MTIF2: variants seen among roughly 807,000 people sequenced by gnomAD.
MTIF2 encodes the protein translation initiation factor IF-2, mitochondrial.
A neutral mutation model predicts 83.5 loss-of-function variants in MTIF2; 71 were observed. That is an observed-to-expected ratio of 0.85 (90% CI 0.70 to 1.04). The LOEUF (loss-of-function observed/expected upper bound fraction) is 1.04. Ranked by LOEUF, MTIF2 falls within the 50% of genes least tolerant of loss-of-function variation. MTIF2 has a pLI of 0.00. For missense variants in MTIF2, 957 were observed against 846.5 expected, an observed-to-expected ratio of 1.13 and a Z score of -1.62; for synonymous variants, 319 against 287.1, an observed-to-expected ratio of 1.11 and a Z score of -1.12.
intron 7 of MTIF2, among the ~76,000 whole-genome samples, chr2:55,253,421 G>C (rs926184804): frequency 1.3e-5 from 2 of 152,202 alleles, no homozygotes; most frequent in African/African-American, 4.8e-5. Flanking sequence ...GCTCACACCT[G>C]TAATCCTAGC....
At position 55,236,716 on chromosome 2, in the gene MTIF2, C is replaced by G; in HGVS notation, c.2116G>C (p.Gly706Arg). Residue 706 changes from glycine to arginine, a missense_variant, in exon 16 of 16, where the codon GGA (glycine) becomes CGA (arginine). By Grantham distance (125) the Gly-to-Arg change is moderately radical. Coordinates refer to ENST00000263629, the MANE Select transcript of MTIF2 (RefSeq NM_002453.3). ...LDEDNMEFQV[G>R]DRIVCYEEKQ... is the part of the protein sequence containing the mutation. ...TCTTCATAACAAACAATTCTGTCTC[C>G]CACTTGAAATTCCATATTGTCTTCA... The G allele has an allele frequency of 6.2e-7, 1 of 1,609,220 alleles. No homozygotes were observed. The highest frequency in any genetic ancestry group is 8.5e-7 in the Non-Finnish European group (1 of 1,178,604).
At chr2:55,264,979 A>T (rs575661172) in intron 3 of MTIF2, among the ~76,000 whole-genome samples, 38 of 152,234 alleles carry the variant, frequency 2.5e-4, no homozygotes, top group Non-Finnish European at 4.7e-4. Context: ...GTGGTGGCTC[A>T]TGCCTGTAAT....
At chr2:55,242,171 AT>A (rs1342965056) in intron 13 of MTIF2, among the ~76,000 whole-genome samples, 1 of 151,706 alleles carries the variant, frequency 6.6e-6, no homozygotes, top group Non-Finnish European at 1.5e-5. Flanking sequence ...AAAAAAAGTC[AT>A]TTCAATATCT....
At chr2:55,242,038 C>T (rs769469570) in intron 13 of MTIF2, among the ~76,000 whole-genome samples, 4 of 151,072 alleles carry the variant, frequency 2.6e-5, no homozygotes, top group African/African-American at 9.8e-5. Flanking sequence ...CCCAGCTACT[C>T]GGTGGGGGCT....
chr2:55,239,062 T>C (rs1026550171), intron 14 of MTIF2, among the ~76,000 whole-genome samples: 4 of 152,120 alleles, frequency 2.6e-5, no homozygotes, highest in East Asian at 1.9e-4. Context: ...AAAACAAAAA[T>C]TGAAGAACTG....
At chr2:55,259,029 C>G (rs2104437085) in intron 5 of MTIF2, among the ~76,000 whole-genome samples, 1 of 152,082 alleles carries the variant, frequency 6.6e-6, no homozygotes, top group East Asian at 1.9e-4. Context: ...GTAACAATAC[C>G]TAATACTCTA....
chr2:55,236,676 G>T lies in MTIF2; in HGVS notation c.2156C>A (p.Ala719Asp), dbSNP rs777654790. ...IVCYEEKQIQ[A>D]KTSWDPGF ...AAATCCTGGATCCCAAGAAGTCTTG[G>T]CTTGAATTTGCTTTTCTTCATAACA... Residue 719 changes from alanine to aspartate, a missense_variant, in exon 16 of 16, where the codon GCC becomes GAC. Ala to Asp is a moderately radical substitution (Grantham distance 126). This residue lies in a region of MTIF2 where 221 missense variants were observed against 180.6 expected (regional missense o/e 1.22). Coordinates refer to ENST00000263629, the MANE Select transcript of MTIF2 (RefSeq NM_002453.3). The T allele has an allele frequency of 1.3e-6, 2 of 1,597,498 alleles. No homozygotes were observed. Among genetic ancestry groups the T allele is most frequent in the Non-Finnish European group, 1.7e-6 (2 of 1,175,464 alleles).
intron 9 of MTIF2, 50 bp downstream of exon 9, chr2:55,249,345 A>G (rs770324904): frequency 6.2e-7 from 1 of 1,600,496 alleles, no homozygotes; most frequent in East Asian, 2.2e-5. Context: ...TGTGTGCATT[A>G]TGTACAGCAT....
In MTIF2 at chr2:55,252,460, A is replaced by G. The variant is rs200006395; in HGVS notation, c.841+17T>C. 1,707 of 1,607,238 alleles carry G rather than the reference A, an allele frequency of 1.1e-3. 5 individuals carry two copies. The highest frequency in any genetic ancestry group is 3.3e-3 in the Middle Eastern group (20 of 6,038). The stretch of plus-strand genomic sequence containing the variant: ...TTGACTTTATGTAGTAGATCCATTA[A>G]GTCAGCCACACAGTACCCTGTGCAT... On this transcript the variant is annotated intron_variant, in intron 8 of 15. Coordinates refer to ENST00000263629, the MANE Select transcript of MTIF2 (RefSeq NM_002453.3).
intron 8 of MTIF2, among the ~76,000 whole-genome samples, 179 bp from the exon 9 acceptor site, chr2:55,249,713 T>C (rs1676957756): frequency 1.3e-5 from 2 of 152,098 alleles, no homozygotes; most frequent in South Asian, 4.1e-4. Flanking sequence ...GCTCTACATA[T>C]AGAGAAATCC....
At chr2:55,238,180 G>A (rs1676029725) in intron 14 of MTIF2, among the ~76,000 whole-genome samples, 1 of 45,646 alleles carries the variant, frequency 2.2e-5, no homozygotes, top group Non-Finnish European at 4.1e-5. Context: ...ACAGGTGCGT[G>A]CCACCATGCC....
chr2:55,255,122 G>C (rs1677409266), intron 5 of MTIF2, among the ~76,000 whole-genome samples: 1 of 151,506 alleles, frequency 6.6e-6, no homozygotes, highest in Admixed American at 6.6e-5. Context: ...TATAATAATT[G>C]ATTGTAGTCT....
In MTIF2 at chr2:55,254,679, T is replaced by C. The variant is rs1228107158; in HGVS notation, c.478A>G (p.Arg160Gly). The change falls in exon 6 of 16, where the codon AGA becomes GGA. Residue 160 changes from arginine to glycine, a missense_variant. By Grantham distance (125) the Arg-to-Gly change is moderately radical. This residue lies in a region of MTIF2 where 733 missense variants were observed against 648.7 expected (regional missense o/e 1.13). Transcript: ENST00000263629. ...CTTCTTACAGCATCTTTATTTTTTC[T>C]GACTTTGTCCTGTTTTAATTTACTC... is the stretch of plus-strand genomic sequence containing the variant. ...KWSKLKQDKV[R>G]KNKDAVRRPQ... The C allele has an allele frequency of 6.2e-7, 1 of 1,606,104 alleles. No individual in the cohort carries two copies. Among genetic ancestry groups the C allele is most frequent in the Non-Finnish European group, 8.5e-7 (1 of 1,176,888 alleles).
chr2:55,240,681 T>C (rs1676242181), intron 13 of MTIF2, among the ~76,000 whole-genome samples: 2 of 152,232 alleles, frequency 1.3e-5, no homozygotes, highest in Admixed American at 1.3e-4. Flanking sequence ...TAAACTGTAT[T>C]GTGGCTTGTT....
Position 55,244,266 on chromosome 2 carries a change from CAT to C in MTIF2, c.1107-35_1107-34del, listed in dbSNP as rs770317523. On this transcript the variant is annotated intron_variant, in intron 10 of 15. Transcript: ENST00000263629. The stretch of plus-strand genomic sequence containing the variant: ...GAAAATAAAAGTATATTTTCAATGT[CAT>C]AATGTACTTTAAGTAGAGCAAAGAT... 1.3e-5 allele frequency: 20 copies of C among 1,503,108 alleles called. No homozygotes were observed. The South Asian group carries it at 2.0e-4, about 15-fold the overall frequency. The allele number at this position is 1,503,108 out of a possible 1,614,324, so 93.1% of individuals were successfully genotyped here.
chr2:55,251,110 CAAAAAAAAAAAA>C (rs57949152), intron 8 of MTIF2, among the ~76,000 whole-genome samples: 6 of 71,152 alleles, frequency 8.4e-5, no homozygotes, highest in Non-Finnish European at 1.6e-4. Context: ...AACTCCGTCT[CAAAAAAAAAAAA>C]AAAAAAAAAA....
chr2:55,261,849 G>A (rs1473283128), intron 5 of MTIF2, among the ~76,000 whole-genome samples: 18 of 146,994 alleles, frequency 1.2e-4, no homozygotes, highest in African/African-American at 3.5e-4. Context: ...GAGGCTGAAC[G>A]ATTGTTTTGA....
At chr2:55,246,595 C>A in intron 9 of MTIF2, 134 bp from the exon 10 acceptor site, 2 of 701,134 alleles carry the variant, frequency 2.9e-6, no homozygotes, top group Non-Finnish European at 4.5e-6. Context: ...AGCATGATTA[C>A]TCAATTTAAC....
chr2:55,242,058 G>C (rs986455054), intron 13 of MTIF2, among the ~76,000 whole-genome samples: 3 of 149,798 alleles, frequency 2.0e-5, no homozygotes, highest in African/African-American at 7.4e-5. Flanking sequence ...TGTGGCAGGA[G>C]AATCCCTTGG....
Sources: gnomAD v4.1 joint callset for allele counts (sites outside exome capture counted in the v4.1 genomes callset) on GRCh38, gnomAD v4.1.1 for gene constraint, gnomAD v4.1.1 regional missense constraint, MANE v1.5 for transcripts, NCBI Gene and HGNC (gene_info 2026-07-23, HGNC 2026-07-21) for gene names.